Variants in GAB1 observed in about 807,000 individuals in gnomAD.
GAB1 encodes the protein GRB2-associated-binding protein 1.
Under a neutral mutation model 66.5 loss-of-function variants are expected in GAB1, and 19 were observed. That is an observed-to-expected ratio of 0.29 (90% CI 0.20 to 0.42). The LOEUF is 0.42. GAB1 is among the 10% of genes least tolerant of loss of function. The pLI, the probability that GAB1 is intolerant of heterozygous loss-of-function variation, is 1.00. For synonymous variants in GAB1, 294 were observed against 301.4 expected (o/e 0.98, Z 0.25); for missense variants, 732 against 858.5 (o/e 0.85, Z 1.84).
At chr4:143,413,824 CTTTTTTTTTTTTTT>C (rs35422180) in intron 1 of GAB1, among the ~76,000 whole-genome samples, 1 of 67,832 alleles carries the variant, frequency 1.5e-5, no homozygotes, top group Non-Finnish European at 2.5e-5. Context: ...CCCCGCTGCC[CTTTTTTTTTTTTTT>C]TTTTTTTTTT....
rs184468369 is a variant in GAB1 at position 143,459,928 on chromosome 4, G to A, written c.1680-436G>A. On this transcript the variant is annotated intron_variant, in intron 7 of 9. Transcript: ENST00000262994. Reference sequence around the variant, plus strand: ...AATCTTGAAAATATGGTAGTCTCTTGTGGAGATTATTTAACCGAGACTTAT... The same window carrying A: ...AATCTTGAAAATATGGTAGTCTCTTATGGAGATTATTTAACCGAGACTTAT... Among the ~76,000 whole-genome samples, 364 of 152,262 alleles carry A rather than the reference G, an allele frequency of 2.4e-3. 1 individual carries two copies. The highest frequency in any genetic ancestry group is 0.014 in the East Asian group (71 of 5,182).
At chr4:143,445,794 T>C (rs1734483729) in intron 6 of GAB1, among the ~76,000 whole-genome samples, 1 of 152,180 alleles carries the variant, frequency 6.6e-6, no homozygotes. Context: ...TTTTTTTGTT[T>C]GTTTGTTTTT....
chr4:143,398,619 G>A (rs1183192815), intron 1 of GAB1, among the ~76,000 whole-genome samples: 5 of 151,802 alleles, frequency 3.3e-5, no homozygotes, highest in Admixed American at 1.3e-4. Context: ...AACCCTGGCC[G>A]GCTGTCTTGA....
Position 143,460,433 on chromosome 4 carries a change from C to T in GAB1, c.1749C>T (p.His583=), listed in dbSNP as rs770306582. 6.1e-5 allele frequency: 99 copies of T among 1,613,264 alleles called. No individual in the cohort carries two copies. Among genetic ancestry groups the T allele is most frequent in the Admixed American group, 1.2e-4 (7 of 59,992 alleles). ...VHSTTSSSDS[H]DSEENYVPMN... Reference sequence around the variant, plus strand: ...GCACAACTTCAAGCAGTGACTCACACGACAGTGAAGAGAATTATGTTCCCA... The same window carrying T: ...GCACAACTTCAAGCAGTGACTCACATGACAGTGAAGAGAATTATGTTCCCA... The change falls in exon 8 of 10, where the codon CAC becomes CAT. Residue 583 remains histidine, a synonymous_variant. Transcript: ENST00000262994.
At chr4:143,455,693 C>G (rs985218647) in intron 6 of GAB1, among the ~76,000 whole-genome samples, 11 of 152,296 alleles carry the variant, frequency 7.2e-5, no homozygotes, top group African/African-American at 2.6e-4. Flanking sequence ...TCTGTAAATT[C>G]AGAGTAGTAT....
At chr4:143,451,369 C>T (rs1355342364) in intron 6 of GAB1, among the ~76,000 whole-genome samples, 6 of 152,008 alleles carry the variant, frequency 3.9e-5, no homozygotes, top group Non-Finnish European at 7.4e-5. Context: ...AAAGGAGGGA[C>T]GAATGCCAGA....
In GAB1 at chr4:143,466,795, T is replaced by C. The variant is rs1219300552; in HGVS notation, c.1926+570T>C. ...CAGGAGCCACTGCATCTGGCTGTTATTTAATGAATTCTAAAGTTAACCAGT... is the reference window on the plus strand; with the variant it reads ...CAGGAGCCACTGCATCTGGCTGTTACTTAATGAATTCTAAAGTTAACCAGT... On this transcript the variant is annotated intron_variant, in intron 9 of 9. Coordinates refer to ENST00000262994, the MANE Select transcript of GAB1 (RefSeq NM_002039.4). 2.6e-5 allele frequency among the ~76,000 whole-genome samples: 4 copies of C among 152,130 alleles called. No individual in the cohort carries two copies. In the South Asian group the frequency reaches 6.2e-4, roughly 24 times the overall value.
At chr4:143,338,021 T>G (rs183035161) in intron 1 of GAB1, among the ~76,000 whole-genome samples, 1 of 152,130 alleles carries the variant, frequency 6.6e-6, no homozygotes, top group African/African-American at 2.4e-5. Flanking sequence ...CCAGAAGGGA[T>G]TTCAGTTGCG....
rs934540952 is a variant in GAB1, at chr4:143,349,566, A to G, written c.72+12306A>G. The G allele has an allele frequency of 1.6e-5, 24 of 1,502,230 alleles. No homozygotes were observed. The African/African-American group carries it at 2.5e-4, about 16-fold the overall frequency. 93.1% of individuals were successfully genotyped at this position (1,502,230 alleles called of 1,614,324 possible). ...AGACGATGCCAGTGCCCCTGGGTGCAGGGATGAGGTGCACCAGCACAGAGC... is the reference window on the plus strand; with the variant it reads ...AGACGATGCCAGTGCCCCTGGGTGCGGGGATGAGGTGCACCAGCACAGAGC... On this transcript the variant is annotated intron_variant, in intron 1 of 9. Transcript: ENST00000262994.
At chr4:143,439,413 AT>A (rs1370402182) in intron 4 of GAB1, among the ~76,000 whole-genome samples, 3 of 152,256 alleles carry the variant, frequency 2.0e-5, no homozygotes, top group Non-Finnish European at 4.4e-5. Context: ...TCACCATTCA[AT>A]AACAGTATCT....
At chr4:143,354,551 AT>A (rs1729365068) in intron 1 of GAB1, among the ~76,000 whole-genome samples, 1 of 152,176 alleles carries the variant, frequency 6.6e-6, no homozygotes, top group Non-Finnish European at 1.5e-5. Flanking sequence ...AGGTAAGCAG[AT>A]TTATTGCCCT....
chr4:143,406,916 T>C (rs1732075928), intron 1 of GAB1, among the ~76,000 whole-genome samples: 1 of 152,194 alleles, frequency 6.6e-6, no homozygotes, highest in Admixed American at 6.5e-5. Flanking sequence ...AGTAAAAATA[T>C]ACTTAGCTTG....
At chr4:143,466,337 G>A (rs1735785823) in intron 9 of GAB1, 112 bp downstream of exon 9, 1 of 1,041,060 alleles carries the variant, frequency 9.6e-7, no homozygotes, top group Non-Finnish European at 1.4e-6. Context: ...TATAAATTTA[G>A]TCTGGTCTGC....
At chr4:143,379,701 C>T (rs1730574516) in intron 1 of GAB1, among the ~76,000 whole-genome samples, 1 of 152,058 alleles carries the variant, frequency 6.6e-6, no homozygotes, top group Non-Finnish European at 1.5e-5. Context: ...ATCTTCCCAC[C>T]TCAGTCTCCT....
chr4:143,386,817 G>A (rs1418807045), intron 1 of GAB1, among the ~76,000 whole-genome samples: 1 of 152,218 alleles, frequency 6.6e-6, no homozygotes, highest in East Asian at 1.9e-4. Flanking sequence ...CCCAGAAAGT[G>A]TCAGATTTTA....
intron 1 of GAB1, among the ~76,000 whole-genome samples, chr4:143,350,273 T>G (rs1447737318): frequency 6.6e-6 from 1 of 152,252 alleles, no homozygotes; most frequent in Non-Finnish European, 1.5e-5. Flanking sequence ...TAAGATAAAG[T>G]TGACAGCATA....
intron 1 of GAB1, among the ~76,000 whole-genome samples, chr4:143,362,926 G>C (rs930116216): frequency 6.6e-6 from 1 of 152,132 alleles, no homozygotes; most frequent in Non-Finnish European, 1.5e-5. Context: ...TGACACATAG[G>C]CATAATACTC....
rs1736057701 is a variant in GAB1, at chr4:143,471,066, G to T, written c.*1877G>T. The T allele has an allele frequency of 6.6e-6, 1 of 152,136 alleles. No individual in the cohort carries two copies. Among genetic ancestry groups the T allele is most frequent in the African/African-American group, 2.4e-5 (1 of 41,426 alleles). The allele number at this position is 152,136 out of a possible 1,614,324, so 9.4% of individuals were successfully genotyped here. ...CTAAACTATCAAAACACACGATACAGCTAATGTGTAAAGATGCTAAATTCT... is the reference window on the plus strand; with the variant it reads ...CTAAACTATCAAAACACACGATACATCTAATGTGTAAAGATGCTAAATTCT... On this transcript the variant is annotated 3_prime_UTR_variant, in exon 10 of 10. Transcript: ENST00000262994.
At chr4:143,367,798 C>T (rs929350444) in intron 1 of GAB1, among the ~76,000 whole-genome samples, 5 of 144,616 alleles carry the variant, frequency 3.5e-5, no homozygotes, top group Non-Finnish European at 7.4e-5. Context: ...AGTCTTGGCT[C>T]ACTGTAACCT....
Sources: gnomAD v4.1 joint callset for allele counts (sites outside exome capture counted in the v4.1 genomes callset) on GRCh38, gnomAD v4.1.1 for gene constraint, MANE v1.5 for transcripts, NCBI Gene and HGNC (gene_info 2026-07-23, HGNC 2026-07-21) for gene names.